Variants in MAP3K1 observed in about 807,000 individuals in gnomAD.
MAP3K1 encodes mitogen-activated protein kinase kinase kinase 1.
In MAP3K1, 36 loss-of-function variants were observed where a neutral mutation model predicts 144.2. The ratio of observed to expected loss-of-function variants is 0.25; its 90% CI spans 0.19 to 0.33. The LOEUF (loss-of-function observed/expected upper bound fraction) is 0.33. MAP3K1 is among the 10% of genes least tolerant of loss of function. MAP3K1 has a pLI of 1.00. For missense variants in MAP3K1, 1,650 were observed against 1,881.9 expected (o/e 0.88, Z 2.28); for synonymous variants, 718 against 688.7 (o/e 1.04, Z -0.67).
chr5:56,886,273 G>A (rs921777658), intron 17 of MAP3K1, among the ~76,000 whole-genome samples: 6 of 152,046 alleles, frequency 3.9e-5, no homozygotes, highest in Admixed American at 6.6e-5. Context: ...GTAAGGTGGC[G>A]CATGCCTGTA....
At chr5:56,875,521 C>T (rs747651236) in intron 10 of MAP3K1, among the ~76,000 whole-genome samples, 1 of 152,014 alleles carries the variant, frequency 6.6e-6, no homozygotes, top group East Asian at 1.9e-4. Context: ...TCTTATATAA[C>T]TGTTTTACTT....
chr5:56,885,922 T>C lies in MAP3K1; in HGVS notation c.3983-10T>C, dbSNP rs1748365388. The C allele has an allele frequency of 1.9e-6, 3 of 1,610,940 alleles. No individual in the cohort carries two copies. Among genetic ancestry groups the C allele is most frequent in the Non-Finnish European group, 2.5e-6 (3 of 1,177,260 alleles). On this transcript the variant is annotated splice_polypyrimidine_tract_variant and intron_variant, in intron 16 of 19. Transcript: ENST00000399503. Reference sequence around the variant, plus strand: ...TTAAGTTTATGATAATTATTTCTATTGTCTTATAGGGGGATCGGTGGCTCA... The same window carrying C: ...TTAAGTTTATGATAATTATTTCTATCGTCTTATAGGGGGATCGGTGGCTCA...
At chr5:56,831,784 G>T (rs1473159588) in intron 1 of MAP3K1, among the ~76,000 whole-genome samples, 3 of 152,124 alleles carry the variant, frequency 2.0e-5, no homozygotes, top group Admixed American at 2.0e-4. Context: ...GATTTTTATA[G>T]ATAATACTTT....
chr5:56,896,152 ATGT>A (rs764598005), downstream of MAP3K1: 25 of 218,406 alleles, frequency 1.1e-4, no homozygotes, highest in East Asian at 2.1e-4. Flanking sequence ...TTTTGAACAA[ATGT>A]TGTTACTTTT....
intron 1 of MAP3K1, among the ~76,000 whole-genome samples, chr5:56,844,177 T>A (rs112115934): frequency 0.037 from 5,098 of 137,424 alleles, 230 homozygotes; most frequent in African/African-American, 0.13. Context: ...AGGATTGTTT[T>A]TTTTGGTTTT....
At chr5:56,886,494 G>A (rs1263765682) in intron 17 of MAP3K1, among the ~76,000 whole-genome samples, 1 of 152,124 alleles carries the variant, frequency 6.6e-6, no homozygotes, top group Non-Finnish European at 1.5e-5. Context: ...ACTGAAATGA[G>A]CCTTAGGGAT....
chr5:56,844,621 T>C (rs1448164012), intron 1 of MAP3K1, among the ~76,000 whole-genome samples: 1 of 152,194 alleles, frequency 6.6e-6, no homozygotes, highest in Non-Finnish European at 1.5e-5. Flanking sequence ...TAGATAAAAT[T>C]AAGGATGGAG....
chr5:56,870,225 C>T (rs780266516), intron 6 of MAP3K1, among the ~76,000 whole-genome samples: 12 of 152,146 alleles, frequency 7.9e-5, no homozygotes, highest in Non-Finnish European at 7.4e-5. Context: ...TTAGCAGACT[C>T]TGAAATTTAT....
chr5:56,889,963 A>C (rs1044457707), intron 19 of MAP3K1, among the ~76,000 whole-genome samples: 2 of 152,002 alleles, frequency 1.3e-5, no homozygotes, highest in Non-Finnish European at 2.9e-5. Context: ...CAGACGTCCC[A>C]TGTCCGTTCT....
chr5:56,817,666 AATT>A (rs1243679681), intron 1 of MAP3K1, among the ~76,000 whole-genome samples: 4 of 152,216 alleles, frequency 2.6e-5, no homozygotes, highest in African/African-American at 7.2e-5. Flanking sequence ...TAACTGGAAT[AATT>A]CTTTGAAGGC....
At chr5:56,860,921 A>T (rs1478066568) in intron 3 of MAP3K1, among the ~76,000 whole-genome samples, 1 of 152,222 alleles carries the variant, frequency 6.6e-6, no homozygotes, top group Non-Finnish European at 1.5e-5. Context: ...TGAGATGTCG[A>T]AACAAAAATT....
chr5:56,831,003 C>G (rs143790932), intron 1 of MAP3K1, among the ~76,000 whole-genome samples: 2 of 150,994 alleles, frequency 1.3e-5, no homozygotes, highest in Admixed American at 6.6e-5. Flanking sequence ...GAAGTTTCTG[C>G]GTAAGGAATA....
intron 9 of MAP3K1, among the ~76,000 whole-genome samples, chr5:56,873,226 A>G (rs1480367642): frequency 3.3e-5 from 5 of 152,182 alleles, no homozygotes; most frequent in Admixed American, 6.5e-5. Flanking sequence ...CACTTCACAT[A>G]TCTAGAAACA....
At chr5:56,839,821 A>G (rs1746758489) in intron 1 of MAP3K1, among the ~76,000 whole-genome samples, 2 of 152,194 alleles carry the variant, frequency 1.3e-5, no homozygotes, top group Admixed American at 6.5e-5. Flanking sequence ...ACCCAGGGCT[A>G]GTTCAAGTCT....
At chr5:56,881,364 C>A in intron 13 of MAP3K1, 92 bp downstream of exon 13, 2 of 1,186,344 alleles carry the variant, frequency 1.7e-6, no homozygotes, top group South Asian at 1.3e-5. Context: ...TTGAAAGACT[C>A]AGAGCATGAA....
intron 6 of MAP3K1, 127 bp from the exon 7 acceptor site, chr5:56,871,779 CTTAG>C (rs2111910858): frequency 1.3e-6 from 1 of 750,104 alleles, no homozygotes; most frequent in East Asian, 2.7e-5. Context: ...ATATGTATCT[CTTAG>C]TTATATAAGA....
intron 1 of MAP3K1, among the ~76,000 whole-genome samples, chr5:56,838,780 A>G (rs1040454865): frequency 3.9e-5 from 6 of 152,148 alleles, no homozygotes; most frequent in African/African-American, 1.2e-4. Flanking sequence ...TCTTAGAGGG[A>G]GTTTATGCCC....
At chr5:56,829,380 G>A (rs1746420062) in intron 1 of MAP3K1, among the ~76,000 whole-genome samples, 1 of 143,498 alleles carries the variant, frequency 7.0e-6, no homozygotes, top group African/African-American at 2.6e-5. Flanking sequence ...TAGTGACAGA[G>A]TTTCGCCATG....
chr5:56,884,640 T>C, intron 15 of MAP3K1, 24 bp from the exon 16 acceptor site: 2 of 1,612,708 alleles, frequency 1.2e-6, no homozygotes, highest in South Asian at 1.1e-5. Context: ...TGCAAAACTT[T>C]GTGAACGTGT....
Sources: allele counts gnomAD v4.1 joint callset (sites outside exome capture counted in the v4.1 genomes callset), GRCh38; gene constraint gnomAD v4.1.1; transcripts MANE v1.5; gene names NCBI Gene and HGNC (gene_info 2026-07-23, HGNC 2026-07-21).